Variants in GTF2F2 observed in about 807,000 individuals in gnomAD.
GTF2F2 encodes general transcription factor IIF subunit 2.
A neutral mutation model predicts 42.2 loss-of-function variants in GTF2F2; 23 were observed. The observed-to-expected ratio is 0.55, with a 90% CI of 0.39 to 0.77. The LOEUF is 0.77. Among genes scored for constraint, GTF2F2 ranks in the 30% least tolerant of loss-of-function variants. GTF2F2 has a pLI of 0.00. For synonymous variants in GTF2F2, 105 were observed against 100.8 expected, an observed-to-expected ratio of 1.04 and a Z score of -0.25; for missense variants, 261 against 287.2, an observed-to-expected ratio of 0.91 and a Z score of 0.66.
intron 4 of GTF2F2, among the ~76,000 whole-genome samples, chr13:45,181,324 G>A (rs531699264): frequency 1.3e-5 from 2 of 151,838 alleles, no homozygotes; most frequent in Non-Finnish European, 2.9e-5. Context: ...TCAACTAGTG[G>A]CACCTTGAAA....
rs1868566259 is a variant in GTF2F2, at chr13:45,120,553, G to C, written c.-103G>C. On this transcript the variant is annotated 5_prime_UTR_variant, in exon 1 of 8. Transcript: ENST00000340473. ...GGCAGGTAAGGAACGCCGGCTCTTCGCCTCTCAGCGCGGCTTGTCCTTTGT... is the reference window on the plus strand; with the variant it reads ...GGCAGGTAAGGAACGCCGGCTCTTCCCCTCTCAGCGCGGCTTGTCCTTTGT... 7 of 779,748 alleles carry C rather than the reference G, an allele frequency of 9.0e-6. No homozygotes were observed. 48.3% of individuals were successfully genotyped at this position (779,748 alleles called of 1,614,324 possible). A position where few individuals can be genotyped will look rare whatever the true frequency, so the allele number is the denominator to read the frequency against.
At chr13:45,276,557 T>G (rs973913914) in intron 7 of GTF2F2, among the ~76,000 whole-genome samples, 29 of 151,912 alleles carry the variant, frequency 1.9e-4, no homozygotes, top group African/African-American at 6.8e-4. Context: ...CTGCCTCAGC[T>G]TCCCAAGTAG....
chr13:45,253,547 G>A (rs1875964721), intron 6 of GTF2F2, among the ~76,000 whole-genome samples: 1 of 152,124 alleles, frequency 6.6e-6, no homozygotes, highest in Non-Finnish European at 1.5e-5. Flanking sequence ...CAGTTTCAGT[G>A]ACCCACAGTC....
chr13:45,245,709 A>G (rs1373475053), intron 5 of GTF2F2, among the ~76,000 whole-genome samples: 8 of 74,628 alleles, frequency 1.1e-4, no homozygotes, highest in African/African-American at 6.4e-4. Context: ...ATACATATAC[A>G]TACACACACA....
intron 4 of GTF2F2, chr13:45,193,811 C>T (rs767608044): frequency 1.5e-5 from 24 of 1,598,600 alleles, no homozygotes; most frequent in Non-Finnish European, 2.0e-5. Flanking sequence ...TGAAGTGCAT[C>T]GCTGTGAACA....
intron 3 of GTF2F2, among the ~76,000 whole-genome samples, chr13:45,151,282 T>A (rs774019766): frequency 3.9e-5 from 6 of 152,208 alleles, no homozygotes; most frequent in Non-Finnish European, 8.8e-5. Context: ...TCCAGCTGCA[T>A]CATTGCTGCA....
At chr13:45,271,035 G>A (rs1386157060) in intron 7 of GTF2F2, among the ~76,000 whole-genome samples, 1 of 152,168 alleles carries the variant, frequency 6.6e-6, no homozygotes, top group African/African-American at 2.4e-5. Context: ...GCTCATGCCT[G>A]TAATCCCAGC....
intron 4 of GTF2F2, among the ~76,000 whole-genome samples, chr13:45,188,438 T>G (rs2138165181): frequency 6.6e-6 from 1 of 152,334 alleles, no homozygotes; most frequent in African/African-American, 2.4e-5. Flanking sequence ...TATTCATGTG[T>G]AAGTAGAAAG....
intron 5 of GTF2F2, among the ~76,000 whole-genome samples, chr13:45,224,800 G>C (rs1277724884): frequency 6.6e-6 from 1 of 152,172 alleles, no homozygotes; most frequent in Non-Finnish European, 1.5e-5. Context: ...TCTCTATCAT[G>C]GATGAAGCAT....
chr13:45,126,106 G>C (rs920568809), intron 1 of GTF2F2, among the ~76,000 whole-genome samples: 1 of 152,054 alleles, frequency 6.6e-6, no homozygotes, highest in Non-Finnish European at 1.5e-5. Context: ...GGGGAATCTG[G>C]GTGTCACATC....
At chr13:45,147,606 A>G (rs944777738) in intron 2 of GTF2F2, among the ~76,000 whole-genome samples, 12 of 152,108 alleles carry the variant, frequency 7.9e-5, no homozygotes, top group Non-Finnish European at 1.6e-4. Context: ...AAATCTTAAA[A>G]TTTTCTCACC....
At chr13:45,126,210 G>A (rs116571066) in intron 1 of GTF2F2, among the ~76,000 whole-genome samples, 1,850 of 151,326 alleles carry the variant, frequency 0.012, 41 homozygotes, top group African/African-American at 0.039. Context: ...AGCAAAGTTG[G>A]CAAAGAAGCA....
chr13:45,208,658 A>C (rs990540122), intron 5 of GTF2F2, among the ~76,000 whole-genome samples: 39 of 152,186 alleles, frequency 2.6e-4, no homozygotes, highest in African/African-American at 9.4e-4. Context: ...ATAAGAGGCC[A>C]GTTGAGCTGG....
intron 5 of GTF2F2, among the ~76,000 whole-genome samples, chr13:45,217,807 A>G (rs1873954237): frequency 6.6e-6 from 1 of 152,206 alleles, no homozygotes; most frequent in African/African-American, 2.4e-5. Flanking sequence ...ACTATGAAGT[A>G]TGGAAAGTTT....
intron 5 of GTF2F2, among the ~76,000 whole-genome samples, chr13:45,244,281 C>G (rs915591360): frequency 4.6e-5 from 7 of 151,896 alleles, no homozygotes; most frequent in Admixed American, 6.6e-5. Context: ...TTTATGGGAC[C>G]ATATAGAGTT....
At chr13:45,235,761 TTTTTTTATTTA>T (rs1487201893) in intron 5 of GTF2F2, among the ~76,000 whole-genome samples, 1 of 152,004 alleles carries the variant, frequency 6.6e-6, no homozygotes. Context: ...GGCTTTTATT[TTTTTTTATTTA>T]TTTTTTATTT....
At chr13:45,220,986 T>C (rs116858262) in intron 5 of GTF2F2, 2 of 151,866 alleles carry the variant, frequency 1.3e-5, no homozygotes, top group Admixed American at 6.6e-5. Flanking sequence ...TGTATATATA[T>C]AGAGAGAGAA....
At chr13:45,131,920 AAG>A (rs1266188450) in intron 1 of GTF2F2, among the ~76,000 whole-genome samples, 8 of 146,206 alleles carry the variant, frequency 5.5e-5, no homozygotes, top group Admixed American at 1.5e-4. Context: ...AAAAAAAAAA[AAG>A]AGAGAGAGAG....
intron 4 of GTF2F2, among the ~76,000 whole-genome samples, chr13:45,188,179 T>A (rs936014579): frequency 2.0e-5 from 3 of 152,222 alleles, no homozygotes; most frequent in African/African-American, 7.2e-5. Context: ...GTGCTGGGAT[T>A]ACAGGTGTGA....
Sources: gnomAD v4.1 joint callset for allele counts (sites outside exome capture counted in the v4.1 genomes callset) on GRCh38, gnomAD v4.1.1 for gene constraint, MANE v1.5 for transcripts, NCBI Gene and HGNC (gene_info 2026-07-23, HGNC 2026-07-21) for gene names.